The following KLHL7 variants were observed in gnomAD, a reference collection of about 807,000 sequenced individuals.
KLHL7 encodes kelch-like protein 7.
In KLHL7, 44 loss-of-function variants were observed where a neutral mutation model predicts 67.4. That is an observed-to-expected ratio of 0.65 (90% CI 0.51 to 0.84). The LOEUF is 0.84. KLHL7 is among the 40% of genes least tolerant of loss of function. The pLI is 0.00. For missense variants in KLHL7, 362 were observed against 718.1 expected, an observed-to-expected ratio of 0.50 and a Z score of 5.67; for synonymous variants, 252 against 243.3, an observed-to-expected ratio of 1.04 and a Z score of -0.33.
At chr7:23,154,383 A>G (rs900532519) in intron 7 of KLHL7, among the ~76,000 whole-genome samples, 8 of 149,774 alleles carry the variant, frequency 5.3e-5, no homozygotes, top group Non-Finnish European at 1.2e-4. Context: ...AAAAAAGACT[A>G]TTTACAAAAC....
chr7:23,136,927 A>G (rs1055447268), intron 4 of KLHL7, among the ~76,000 whole-genome samples: 4 of 152,184 alleles, frequency 2.6e-5, no homozygotes, highest in Non-Finnish European at 5.9e-5. Context: ...TTCTTGACTT[A>G]TGTATCCTAC....
intron 6 of KLHL7, among the ~76,000 whole-genome samples, chr7:23,147,278 C>A (rs1207123509): frequency 2.6e-5 from 4 of 151,972 alleles, no homozygotes; most frequent in African/African-American, 9.7e-5. Context: ...TTAGCAGAGA[C>A]AGGGTTTCGC....
At chr7:23,130,199 T>A (rs1783744904) in intron 4 of KLHL7, among the ~76,000 whole-genome samples, 1 of 152,204 alleles carries the variant, frequency 6.6e-6, no homozygotes, top group African/African-American at 2.4e-5. Context: ...GAATAAGTGG[T>A]TGATAAAATT....
rs189968045 is a variant in KLHL7, at chr7:23,176,283, G to A, written c.*1985G>A. ...CACACATGCCTCTCCCCTAGCTTCT[G>A]GTGGTTGCCAGCAATCCTCAGCATT... On this transcript the variant is annotated 3_prime_UTR_variant, in exon 11 of 11. Transcript: ENST00000339077. 13 of 152,436 alleles carry A rather than the reference G, an allele frequency of 8.5e-5. No individual in the cohort carries two copies. The highest frequency in any genetic ancestry group is 3.1e-4 in the African/African-American group (13 of 41,564). The allele number at this position is 152,436 out of a possible 1,614,324, so 9.4% of individuals were successfully genotyped here.
At chr7:23,106,448 C>T (rs1782643534) in intron 1 of KLHL7, 1 of 1,234,932 alleles carries the variant, frequency 8.1e-7, no homozygotes, top group Non-Finnish European at 1.0e-6. Context: ...CTAGTTATCT[C>T]TTTGTGGGGC....
intron 1 of KLHL7, among the ~76,000 whole-genome samples, chr7:23,120,063 G>A (rs758408764): frequency 6.6e-6 from 1 of 152,000 alleles, no homozygotes; most frequent in Non-Finnish European, 1.5e-5. Context: ...AGGCTGGAGT[G>A]CCGTGGCACA....
rs1413370538 is a variant in KLHL7, at chr7:23,105,816, A to G, written c.-211A>G. On this transcript the variant is annotated 5_prime_UTR_variant, in exon 1 of 11. Transcript: ENST00000339077. ...TGCCCGGGGACGCAGCCCAGTTGGT[A>G]GCGTCGCTCCCTGAGCGTTTCTAAG... 9.3e-6 allele frequency: 6 copies of G among 645,892 alleles called. No individual in the cohort carries two copies. The highest frequency in any genetic ancestry group is 1.8e-5 in the African/African-American group (1 of 54,752). 40.0% of individuals were successfully genotyped at this position (645,892 alleles called of 1,614,324 possible).
In KLHL7 at chr7:23,167,802, A is replaced by C. The variant is rs1331076867; in HGVS notation, c.1178-34A>C. ...TCTTTCCAAACCCCCGCACACACTA[A>C]AGTTAAGCATGATGGGGCCTTTTTC... On this transcript the variant is annotated intron_variant, in intron 8 of 10. Transcript: ENST00000339077. The C allele has an allele frequency of 2.5e-6, 4 of 1,599,222 alleles. No individual in the cohort carries two copies. In the South Asian group the frequency reaches 4.4e-5, roughly 18 times the overall value.
At chr7:23,136,806 G>A (rs188806191) in intron 4 of KLHL7, among the ~76,000 whole-genome samples, 56 of 152,084 alleles carry the variant, frequency 3.7e-4, no homozygotes, top group African/African-American at 1.3e-3. Context: ...ATAGAAACAT[G>A]GCAATAAGCA....
chr7:23,121,499 C>T (rs531851676), intron 1 of KLHL7, among the ~76,000 whole-genome samples: 5 of 150,254 alleles, frequency 3.3e-5, no homozygotes, highest in African/African-American at 9.8e-5. Context: ...AGAGTTTCAT[C>T]ATGTTGCCCC....
chr7:23,170,565 G>T (rs1324291811), intron 9 of KLHL7, among the ~76,000 whole-genome samples: 1 of 152,192 alleles, frequency 6.6e-6, no homozygotes, highest in Admixed American at 6.5e-5. Context: ...AGCTAGAGAA[G>T]AATTGGAATG....
rs954235884 is a variant in KLHL7, at chr7:23,108,384, T to G, written c.120+2238T>G. 2.6e-5 allele frequency among the ~76,000 whole-genome samples: 4 copies of G among 152,316 alleles called. No homozygotes were observed. In the South Asian group the frequency reaches 6.2e-4, roughly 24 times the overall value. On this transcript the variant is annotated intron_variant, in intron 1 of 10. Transcript: ENST00000339077. ...TCTTCTAAAGCCTTTTCCTACATTG[T>G]TTTTGTCATTTCTAGCCTTTTGTTT...
chr7:23,167,671 G>A (rs1399015943), intron 8 of KLHL7, among the ~76,000 whole-genome samples, 165 bp from the exon 9 acceptor site: 1 of 152,110 alleles, frequency 6.6e-6, no homozygotes, highest in Non-Finnish European at 1.5e-5. Flanking sequence ...AGGATTATTA[G>A]CGTTTTCTTA....
At chr7:23,171,463 G>GACCT (rs1388995808) in intron 9 of KLHL7, among the ~76,000 whole-genome samples, 1 of 152,182 alleles carries the variant, frequency 6.6e-6, no homozygotes, top group East Asian at 1.9e-4. Flanking sequence ...GGGCAGTGAA[G>GACCT]ACCTAGTTTT....
intron 7 of KLHL7, among the ~76,000 whole-genome samples, chr7:23,152,997 T>C (rs1181493773): frequency 6.6e-6 from 1 of 152,158 alleles, no homozygotes; most frequent in South Asian, 2.1e-4. Context: ...TCTTTCATGA[T>C]TTTGCAAACC....
At chr7:23,143,656 CAT>C (rs1219265353) in intron 5 of KLHL7, among the ~76,000 whole-genome samples, 193 bp from the exon 6 acceptor site, 2 of 152,110 alleles carry the variant, frequency 1.3e-5, no homozygotes, top group East Asian at 1.9e-4. Context: ...TTCTAAAAAA[CAT>C]ATTACCTACA....
intron 1 of KLHL7, among the ~76,000 whole-genome samples, chr7:23,116,298 C>T (rs373524108): frequency 3.5e-4 from 53 of 152,240 alleles, no homozygotes; most frequent in African/African-American, 1.3e-3. Flanking sequence ...CGTGGTCCCA[C>T]AGGGACCACT....
At chr7:23,159,197 G>A (rs1425211324) in intron 7 of KLHL7, among the ~76,000 whole-genome samples, 3 of 152,086 alleles carry the variant, frequency 2.0e-5, no homozygotes, top group African/African-American at 7.2e-5. Flanking sequence ...TTTTAAAACA[G>A]GGTCTTCCTC....
chr7:23,124,920 C>A, intron 3 of KLHL7, 128 bp from the exon 4 acceptor site: 1 of 1,078,328 alleles, frequency 9.3e-7, no homozygotes, highest in Non-Finnish European at 1.4e-6. Context: ...TATCCTATGC[C>A]ATACTAATTC....
Sources: gnomAD v4.1 joint callset for allele counts (sites outside exome capture counted in the v4.1 genomes callset) on GRCh38, gnomAD v4.1.1 for gene constraint, MANE v1.5 for transcripts, NCBI Gene and HGNC (gene_info 2026-07-23, HGNC 2026-07-21) for gene names.